The following ANO10 variants were observed in gnomAD, a reference collection of about 807,000 sequenced individuals.
ANO10 encodes the protein anoctamin-10.
A neutral mutation model predicts 74.7 loss-of-function variants in ANO10; 77 were observed. That is an observed-to-expected ratio of 1.03 (90% CI 0.86 to 1.25). ANO10 has a LOEUF of 1.25. Among genes scored for constraint, ANO10 ranks in the 50% most tolerant of loss-of-function variants. ANO10 has a pLI of 0.00. For synonymous variants in ANO10, 279 were observed against 284.9 expected (o/e 0.98, Z 0.21); for missense variants, 721 against 778.1 (o/e 0.93, Z 0.87).
chr3:43,378,154 A>G (rs1048923699), intron 12 of ANO10, among the ~76,000 whole-genome samples: 3 of 152,264 alleles, frequency 2.0e-5, no homozygotes, highest in African/African-American at 7.2e-5. Flanking sequence ...ATTACTCTTA[A>G]CTATAAAGGG....
At chr3:43,601,815 A>G (rs1047330654) in intron 2 of ANO10, among the ~76,000 whole-genome samples, 8 of 152,178 alleles carry the variant, frequency 5.3e-5, no homozygotes, top group Non-Finnish European at 1.0e-4. Context: ...GCAAAGATGG[A>G]AAGTTTGGTA....
intron 12 of ANO10, among the ~76,000 whole-genome samples, chr3:43,425,657 G>A (rs1409658727): frequency 4.6e-5 from 7 of 152,068 alleles, no homozygotes. Flanking sequence ...GAGATCATTA[G>A]ACTGTCAAAA....
chr3:43,682,780 G>A (rs1302373025), intron 1 of ANO10, among the ~76,000 whole-genome samples: 2 of 152,086 alleles, frequency 1.3e-5, no homozygotes, highest in African/African-American at 2.4e-5. Flanking sequence ...TTCAACATAC[G>A]CAAATCAATA....
At chr3:43,447,465 T>C (rs1004613514) in intron 11 of ANO10, among the ~76,000 whole-genome samples, 1 of 152,220 alleles carries the variant, frequency 6.6e-6, no homozygotes, top group African/African-American at 2.4e-5. Flanking sequence ...TGAATGATGT[T>C]GAGCACCTAT....
chr3:43,366,992 G>A lies in ANO10; in HGVS notation c.1915-18C>T, dbSNP rs1361988798. On this transcript the variant is annotated intron_variant, in intron 12 of 12. Transcript: ENST00000292246. ...TTCATTTGCTGTTAAGAGAAAACAG[G>A]ACACCAGGTGAGCCACAGAAGCCTA... The A allele has an allele frequency of 5.7e-6, 9 of 1,586,458 alleles. No homozygotes were observed. The highest frequency in any genetic ancestry group is 6.9e-6 in the Non-Finnish European group (8 of 1,165,514).
At chr3:43,436,710 G>C (rs1486101669) in intron 11 of ANO10, among the ~76,000 whole-genome samples, 5 of 152,124 alleles carry the variant, frequency 3.3e-5, no homozygotes, top group African/African-American at 7.2e-5. Flanking sequence ...GCTCACCTTT[G>C]GTCACTGCAG....
chr3:43,628,917 C>T (rs1016838588), intron 1 of ANO10, among the ~76,000 whole-genome samples: 30 of 152,196 alleles, frequency 2.0e-4, no homozygotes, highest in Non-Finnish European at 3.2e-4. Flanking sequence ...ATTTTAATTT[C>T]GCCCCAGTCC....
At position 43,635,679 on chromosome 3, in the gene ANO10, G is replaced by A. The variant is rs373048838; in HGVS notation, c.-11-29816C>T. On this transcript the variant is annotated intron_variant, in intron 1 of 3. Coordinates refer to the ANO10 transcript ENST00000413397. Reference sequence around the variant, plus strand: ...TCTTTTACCAGACTGGAGTGCAGTGGTGAGATCTTGGCTCACTGCAACCTC... The same window carrying A: ...TCTTTTACCAGACTGGAGTGCAGTGATGAGATCTTGGCTCACTGCAACCTC... Among the ~76,000 whole-genome samples the A allele has an allele frequency of 2.0e-5, 3 of 151,418 alleles. No homozygotes were observed. The East Asian group carries it at 5.8e-4, about 29-fold the overall frequency.
intron 1 of ANO10, among the ~76,000 whole-genome samples, chr3:43,611,900 G>T (rs2082836361): frequency 6.6e-6 from 1 of 151,834 alleles, no homozygotes; most frequent in Non-Finnish European, 1.5e-5. Flanking sequence ...TGTTGGAATA[G>T]CCCAAACTTG....
At chr3:43,444,601 T>C (rs2093213661) in intron 11 of ANO10, among the ~76,000 whole-genome samples, 1 of 152,182 alleles carries the variant, frequency 6.6e-6, no homozygotes, top group African/African-American at 2.4e-5. Flanking sequence ...TAAGTCACAA[T>C]AGAGAAATAC....
chr3:43,690,804 T>C (rs925122215), intron 1 of ANO10: 3 of 472,464 alleles, frequency 6.3e-6, no homozygotes, highest in East Asian at 3.7e-5. Context: ...TGGCTGGGGA[T>C]GGCGGACGCA....
intron 12 of ANO10, among the ~76,000 whole-genome samples, chr3:43,400,340 C>G (rs1186203612): frequency 6.6e-6 from 1 of 151,740 alleles, no homozygotes; most frequent in South Asian, 2.1e-4. Context: ...GAATGCAGAA[C>G]TAGACAAATC....
chr3:43,464,596 T>C (rs2075532497), intron 11 of ANO10, among the ~76,000 whole-genome samples: 1 of 152,052 alleles, frequency 6.6e-6, no homozygotes, highest in African/African-American at 2.4e-5. Flanking sequence ...AGACAATCAC[T>C]TGAGTCCAAG....
chr3:43,663,461 T>C (rs2083950830), intron 1 of ANO10, among the ~76,000 whole-genome samples: 1 of 152,180 alleles, frequency 6.6e-6, no homozygotes. Context: ...ACTGGAAGCA[T>C]TCCCTTTGAA....
intron 11 of ANO10, among the ~76,000 whole-genome samples, chr3:43,542,305 G>A (rs2078992806): frequency 6.6e-6 from 1 of 152,144 alleles, no homozygotes; most frequent in Non-Finnish European, 1.5e-5. Flanking sequence ...ATGAGAGGGA[G>A]GGAGGGCTAG....
chr3:43,486,642 T>C (rs56412246), intron 11 of ANO10, among the ~76,000 whole-genome samples: 4,230 of 143,608 alleles, frequency 0.029, 198 homozygotes, highest in African/African-American at 0.1. Flanking sequence ...GTGATTTTTG[T>C]ACATTGATTT....
At chr3:43,568,556 G>C (rs1263373171) in intron 7 of ANO10, among the ~76,000 whole-genome samples, 1 of 148,368 alleles carries the variant, frequency 6.7e-6, no homozygotes, top group African/African-American at 2.5e-5. Context: ...CAACTACATG[G>C]AAACTGAACA....
At chr3:43,425,115 T>G (rs188394461) in intron 12 of ANO10, among the ~76,000 whole-genome samples, 1 of 152,146 alleles carries the variant, frequency 6.6e-6, no homozygotes, top group Admixed American at 6.6e-5. Context: ...TGATTACCTA[T>G]TCAATAGTCA....
At chr3:43,514,858 A>G (rs942675522) in intron 11 of ANO10, among the ~76,000 whole-genome samples, 1 of 152,230 alleles carries the variant, frequency 6.6e-6, no homozygotes, top group African/African-American at 2.4e-5. Context: ...AAACTAACAT[A>G]CTTCTAAATA....
Sources: gnomAD v4.1 joint callset for allele counts (sites outside exome capture counted in the v4.1 genomes callset) on GRCh38, gnomAD v4.1.1 for gene constraint, MANE v1.5 for transcripts, NCBI Gene and HGNC (gene_info 2026-07-23, HGNC 2026-07-21) for gene names.